Variants in TENM3 observed in about 807,000 individuals in gnomAD.
TENM3 encodes teneurin-3.
In TENM3, 63 loss-of-function variants were observed where a neutral mutation model predicts 255.1. The observed-to-expected ratio is 0.25, with a 90% CI of 0.20 to 0.30. The LOEUF (loss-of-function observed/expected upper bound fraction) is 0.30. Among genes scored for constraint, TENM3 ranks in the 10% least tolerant of loss-of-function variants. TENM3 has a pLI of 1.00. For missense variants in TENM3, 2,929 were observed against 3,461.1 expected, an observed-to-expected ratio of 0.85 and a Z score of 3.86; for synonymous variants, 1,306 against 1,322.3, an observed-to-expected ratio of 0.99 and a Z score of 0.27.
At chr4:181,648,375 A>T in the TENM3 span, among the ~76,000 whole-genome samples, 1 of 151,994 alleles carries the variant, frequency 6.6e-6, no homozygotes, top group Admixed American at 6.6e-5. Flanking sequence ...CACTAAACTG[A>T]CTCATATGAA....
At chr4:182,376,711 G>A (rs1452076551) in intron 3 of TENM3, among the ~76,000 whole-genome samples, 3 of 151,970 alleles carry the variant, frequency 2.0e-5, no homozygotes, top group East Asian at 3.9e-4. Flanking sequence ...AAACCAGAGC[G>A]ATGGCCATTG....
chr4:182,379,778 A>G (rs1360450964), intron 3 of TENM3, among the ~76,000 whole-genome samples: 2 of 152,192 alleles, frequency 1.3e-5, no homozygotes, highest in Non-Finnish European at 2.9e-5. Context: ...ACCGCTCACT[A>G]GCTCTGGGGC....
chr4:181,978,350 C>G, the TENM3 span, among the ~76,000 whole-genome samples: 2 of 152,034 alleles, frequency 1.3e-5, no homozygotes, highest in African/African-American at 2.4e-5. Context: ...GACAGGTTTT[C>G]TTAAAGAGCA....
At chr4:182,442,102 T>C (rs2151261984) in intron 3 of TENM3, among the ~76,000 whole-genome samples, 1 of 152,176 alleles carries the variant, frequency 6.6e-6, no homozygotes, top group East Asian at 1.9e-4. Flanking sequence ...CAAGCAGAAA[T>C]TGGTCAGCTA....
chr4:182,027,414 C>T, the TENM3 span, among the ~76,000 whole-genome samples: 81 of 151,850 alleles, frequency 5.3e-4, 1 homozygote, highest in African/African-American at 1.6e-3. Flanking sequence ...TCATATCATC[C>T]GCAAACAAGG....
the TENM3 span, among the ~76,000 whole-genome samples, chr4:181,956,917 G>A: frequency 6.6e-6 from 1 of 152,178 alleles, no homozygotes; most frequent in Admixed American, 6.5e-5. Flanking sequence ...ATGTTAGTAA[G>A]GAGAGCTACT....
At chr4:182,758,223 GA>G (rs1273823645) in intron 22 of TENM3, among the ~76,000 whole-genome samples, 1 of 151,614 alleles carries the variant, frequency 6.6e-6, no homozygotes. Context: ...AATGACAAAT[GA>G]TCATTTTTTT....
chr4:181,806,290 C>T, the TENM3 span, among the ~76,000 whole-genome samples: 1 of 152,200 alleles, frequency 6.6e-6, no homozygotes, highest in African/African-American at 2.4e-5. Context: ...CTGTCATCCC[C>T]ACGCCTGTGT....
chr4:182,046,786 C>T, the TENM3 span, among the ~76,000 whole-genome samples: 11 of 152,090 alleles, frequency 7.2e-5, no homozygotes, highest in East Asian at 7.7e-4. Context: ...CTGCCTATTA[C>T]TATTATTTGA....
In TENM3 at chr4:182,801,007, A is replaced by G. The variant is rs572070553; in HGVS notation, c.*656A>G. 1 of 152,798 alleles carries G rather than the reference A, an allele frequency of 6.5e-6. No individual in the cohort carries two copies. Among genetic ancestry groups the G allele is most frequent in the South Asian group, 2.1e-4 (1 of 4,828 alleles). The allele number at this position is 152,798 out of a possible 1,614,324, so 9.5% of individuals were successfully genotyped here. ...GATTTTTTTGTAAATTATGTGAGACAAGTTGTTTATGGATTTTTATATGAA... is the reference window on the plus strand; with the variant it reads ...GATTTTTTTGTAAATTATGTGAGACGAGTTGTTTATGGATTTTTATATGAA... On this transcript the variant is annotated 3_prime_UTR_variant, in exon 28 of 28. Coordinates refer to ENST00000511685, the MANE Select transcript of TENM3 (RefSeq NM_001080477.4).
chr4:182,202,293 A>G (rs1056645202), intron 1 of TENM3, among the ~76,000 whole-genome samples: 71 of 147,010 alleles, frequency 4.8e-4, no homozygotes, highest in Middle Eastern at 3.6e-3. Context: ...AGATGTGTGC[A>G]CTGCACTTTT....
At chr4:182,263,971 C>T (rs1449388043) in intron 1 of TENM3, among the ~76,000 whole-genome samples, 4 of 152,172 alleles carry the variant, frequency 2.6e-5, no homozygotes, top group Non-Finnish European at 5.9e-5. Flanking sequence ...GGCTTGGCCC[C>T]CAGGGCGATG....
At chr4:182,184,499 T>G (rs1306149082) in intron 1 of TENM3, among the ~76,000 whole-genome samples, 1 of 147,238 alleles carries the variant, frequency 6.8e-6, no homozygotes, top group African/African-American at 2.6e-5. Flanking sequence ...TTGAGTTTTT[T>G]TTTTTTTTTT....
chr4:182,691,589 A>C (rs1022814047), intron 12 of TENM3, among the ~76,000 whole-genome samples: 2 of 152,116 alleles, frequency 1.3e-5, no homozygotes, highest in Non-Finnish European at 2.9e-5. Context: ...GAGTATTCAT[A>C]TTTTCCTCTC....
intron 12 of TENM3, among the ~76,000 whole-genome samples, chr4:182,699,019 G>T (rs537842111): frequency 6.6e-6 from 1 of 152,328 alleles, no homozygotes; most frequent in African/African-American, 2.4e-5. Context: ...AGGATGAGAA[G>T]TTAGAATTCT....
chr4:181,503,595 A>C, the TENM3 span, among the ~76,000 whole-genome samples: 1 of 152,104 alleles, frequency 6.6e-6, no homozygotes, highest in South Asian at 2.1e-4. Flanking sequence ...CATTTCCATA[A>C]ACTATTCTGA....
intron 3 of TENM3, among the ~76,000 whole-genome samples, chr4:182,479,113 T>G (rs929157969): frequency 1.1e-4 from 10 of 92,616 alleles, no homozygotes; most frequent in Non-Finnish European, 2.6e-4. Flanking sequence ...TTGTCATAAT[T>G]TTCCTTAACA....
At chr4:182,037,912 G>A in the TENM3 span, among the ~76,000 whole-genome samples, 2 of 152,060 alleles carry the variant, frequency 1.3e-5, no homozygotes, top group Admixed American at 1.3e-4. Flanking sequence ...GCTCACTGCA[G>A]CCTCAAACTC....
the TENM3 span, among the ~76,000 whole-genome samples, chr4:181,824,755 A>G: frequency 6.6e-6 from 1 of 151,886 alleles, no homozygotes; most frequent in African/African-American, 2.4e-5. Context: ...ACAACAATGG[A>G]AAAAAAATCA....
Sources: allele counts gnomAD v4.1 joint callset (sites outside exome capture counted in the v4.1 genomes callset), GRCh38; gene constraint gnomAD v4.1.1; transcripts MANE v1.5; gene names NCBI Gene and HGNC (gene_info 2026-07-23, HGNC 2026-07-21).